The following SHLD2 variants were observed in gnomAD, a reference collection of about 807,000 sequenced individuals.
SHLD2 encodes RINN1-REV7-interacting novel NHEJ regulator 2.
In SHLD2, 30 loss-of-function variants were observed where a neutral mutation model predicts 73.2. That is an observed-to-expected ratio of 0.41 (90% confidence interval 0.31 to 0.56). SHLD2 has a LOEUF of 0.56. Among genes scored for constraint, SHLD2 ranks in the 20% least tolerant of loss-of-function variants. The probability of loss-of-function intolerance (pLI) is 0.28; values close to 1 mark genes in which losing one functional copy is unlikely to be tolerated. For missense variants in SHLD2, 745 were observed against 1,055.9 expected (o/e 0.71, Z 4.08); for synonymous variants, 285 against 370.1 (o/e 0.77, Z 2.64).
intron 2 of SHLD2, among the ~76,000 whole-genome samples, chr10:87,097,904 C>T (rs61858871): frequency 7.9e-5 from 12 of 151,716 alleles, no homozygotes; most frequent in African/African-American, 2.7e-4. Flanking sequence ...GGATTACAGG[C>T]GCCCGCCACC....
chr10:87,180,373 C>A (rs552004461), intron 8 of SHLD2, 70 bp downstream of exon 8: 31 of 1,553,064 alleles, frequency 2.0e-5, no homozygotes, highest in Non-Finnish European at 2.3e-5. Context: ...AGTCTGTAAA[C>A]CCTTACTTTC....
chr10:87,163,936 ATTTTCTTTTCTTTTC>A (rs375051873), intron 4 of SHLD2, among the ~76,000 whole-genome samples: 60 of 144,932 alleles, frequency 4.1e-4, no homozygotes, highest in Non-Finnish European at 7.5e-4. Context: ...ATCTGTAAAC[ATTTTCTTTTCTTTTC>A]TTTTCTTTTC....
intron 2 of SHLD2, among the ~76,000 whole-genome samples, chr10:87,141,681 G>A (rs1845204878): frequency 6.6e-6 from 1 of 152,118 alleles, no homozygotes. Context: ...TGCAGGAGGT[G>A]ATGGATACAC....
rs754376978 is a variant in SHLD2, at chr10:87,190,676, G to A, written c.2708G>A (p.Arg903His). The A allele has an allele frequency of 9.3e-6, 15 of 1,611,576 alleles. No homozygotes were observed. The highest frequency in any genetic ancestry group is 6.7e-5 in the Admixed American group (4 of 59,982). Residue 903 changes from arginine (R) to histidine (H), a missense_variant, in exon 10 of 10, where the codon CGT becomes CAT. Transcript: ENST00000298786. Reference sequence around the variant, plus strand: ...ATTGTAAAGCATGGAGCCAATGCCCGTCTCTGAGGCCAGAGGAAGAAATTG... The same window carrying A: ...ATTGTAAAGCATGGAGCCAATGCCCATCTCTGAGGCCAGAGGAAGAAATTG... ...PDIVKHGANA[R>H]L
intron 6 of SHLD2, among the ~76,000 whole-genome samples, chr10:87,173,751 A>G (rs1407904127): frequency 6.6e-6 from 1 of 152,122 alleles, no homozygotes; most frequent in East Asian, 1.9e-4. Flanking sequence ...CCAAAAAAAA[A>G]CAGAAAAAAA....
chr10:87,105,164 A>G (rs1842520850), intron 2 of SHLD2, among the ~76,000 whole-genome samples: 1 of 152,150 alleles, frequency 6.6e-6, no homozygotes, highest in Non-Finnish European at 1.5e-5. Flanking sequence ...TATCTTGAGC[A>G]TTTTGGTTTT....
At chr10:87,130,186 GT>G (rs1844326279) in intron 2 of SHLD2, among the ~76,000 whole-genome samples, 1 of 151,914 alleles carries the variant, frequency 6.6e-6, no homozygotes, top group South Asian at 2.1e-4. Flanking sequence ...TACCTCATTG[GT>G]ACTTGTTGAG....
chr10:87,137,659 C>T (rs556790562), intron 2 of SHLD2, among the ~76,000 whole-genome samples: 7 of 152,078 alleles, frequency 4.6e-5, no homozygotes, highest in Non-Finnish European at 8.8e-5. Context: ...AGACAATGCT[C>T]AGGAACTTCT....
rs759207880 is a variant in SHLD2 at position 87,170,851 on chromosome 10, A to G, written c.1840A>G (p.Ser614Gly). ...TTTTCCTTTTCCAGAGGCAGTATAC[A>G]GTTATAGAGGACAGAAGCAGAAAAA... ...DFTILTEAVYSYRGQKQKKVM... is the reference protein window; with the variant it reads ...DFTILTEAVYGYRGQKQKKVM... The change falls in exon 6 of 10, where the codon AGT becomes GGT. Residue 614 changes from serine to glycine, a missense_variant. Around this residue, in one of 5 missense-constraint regions of SHLD2, gnomAD observed 418 missense variants for 567.8 expected, o/e 0.74. Coordinates refer to ENST00000298786, the MANE Select transcript of SHLD2 (RefSeq NM_001330112.2). 8.7e-6 allele frequency: 14 copies of G among 1,611,712 alleles called. No individual in the cohort carries two copies. The highest frequency in any genetic ancestry group is 1.2e-5 in the Non-Finnish European group (14 of 1,179,806).
chr10:87,140,419 C>CAAAAAAAAAAAAAAAAAA, intron 2 of SHLD2, among the ~76,000 whole-genome samples: 1 of 102,350 alleles, frequency 9.8e-6, no homozygotes, highest in Non-Finnish European at 2.0e-5. Context: ...GAACCTATCT[C>CAAAAAAAAAAAAAAAAAA]AAAAAAAAAA....
chr10:87,189,050 G>A (rs1455214571), intron 9 of SHLD2, among the ~76,000 whole-genome samples: 10 of 146,202 alleles, frequency 6.8e-5, no homozygotes, highest in Non-Finnish European at 1.2e-4. Context: ...TGCCTAGACT[G>A]GAGTGCTGTG....
At position 87,145,891 on chromosome 10, in the gene SHLD2, A is replaced by G. The variant is rs147743766; in HGVS notation, c.-5-5459A>G. On this transcript the variant is annotated intron_variant, in intron 2 of 9. Coordinates refer to ENST00000298786, the MANE Select transcript of SHLD2 (RefSeq NM_001330112.2). The stretch of plus-strand genomic sequence containing the variant: ...TAATGAGCTTTAACCCTCTGAATAC[A>G]CCTAAAACATATCCTAGAATTATTG... Among the ~76,000 whole-genome samples, 836 of 152,282 alleles carry G rather than the reference A, an allele frequency of 5.5e-3. 9 individuals carry two copies. The highest frequency in any genetic ancestry group is 0.019 in the African/African-American group (781 of 41,544).
chr10:87,154,556 T>G (rs1447851157), intron 3 of SHLD2, among the ~76,000 whole-genome samples: 1 of 151,646 alleles, frequency 6.6e-6, no homozygotes, highest in Non-Finnish European at 1.5e-5. Context: ...AATTTTTGTA[T>G]TTTTAGTAGA....
chr10:87,187,064 G>T (rs1848665828), intron 8 of SHLD2, 21 bp from the exon 9 acceptor site: 1 of 1,446,980 alleles, frequency 6.9e-7, no homozygotes, highest in African/African-American at 1.4e-5. Context: ...TGAAGGTCGT[G>T]TGTTGTTTAC....
intron 2 of SHLD2, among the ~76,000 whole-genome samples, chr10:87,124,388 C>T (rs959216577): frequency 6.6e-6 from 1 of 151,652 alleles, no homozygotes; most frequent in African/African-American, 2.4e-5. Flanking sequence ...ATACAAAAAT[C>T]AGCTGGGCAT....
intron 2 of SHLD2, among the ~76,000 whole-genome samples, chr10:87,150,768 C>T (rs998084561): frequency 2.0e-5 from 3 of 150,836 alleles, no homozygotes; most frequent in African/African-American, 7.3e-5. Context: ...TCAAATGAAA[C>T]AAACATACTA....
intron 2 of SHLD2, among the ~76,000 whole-genome samples, chr10:87,138,919 G>C (rs1001328512): frequency 2.0e-5 from 3 of 152,156 alleles, no homozygotes; most frequent in Admixed American, 6.6e-5. Context: ...GCACAGAGTA[G>C]GGGAATCCAA....
At chr10:87,175,288 C>T (rs931117445) in intron 6 of SHLD2, among the ~76,000 whole-genome samples, 1 of 152,016 alleles carries the variant, frequency 6.6e-6, no homozygotes, top group Non-Finnish European at 1.5e-5. Context: ...CACAACTTTG[C>T]CTATAGATAG....
intron 2 of SHLD2, among the ~76,000 whole-genome samples, chr10:87,147,056 CAAAAAAAAAAAAAAAGA>C (rs1176476488): frequency 4.6e-5 from 2 of 43,786 alleles, no homozygotes; most frequent in Admixed American, 2.2e-4. Context: ...GACTCTGTCT[CAAAAAAAAAAAAAAAGA>C]AAAAAAAAAA....
Sources: allele counts gnomAD v4.1 joint callset (sites outside exome capture counted in the v4.1 genomes callset), GRCh38; gene constraint gnomAD v4.1.1; regional missense constraint gnomAD v4.1.1; transcripts MANE v1.5; gene names NCBI Gene and HGNC (gene_info 2026-07-23, HGNC 2026-07-21).